AQR: variants seen among roughly 807,000 people sequenced by gnomAD.
The protein encoded by AQR is RNA helicase aquarius.
A neutral mutation model predicts 180.5 loss-of-function variants in AQR; 61 were observed. The ratio of observed to expected loss-of-function variants is 0.34; its 90% CI spans 0.28 to 0.42. The LOEUF is 0.42. Ranked by LOEUF, AQR falls within the 10% of genes least tolerant of loss-of-function variation. The pLI is 1.00. For missense variants in AQR, 1,281 were observed against 1,798.3 expected, an observed-to-expected ratio of 0.71 and a Z score of 5.20; for synonymous variants, 551 against 588.8, an observed-to-expected ratio of 0.94 and a Z score of 0.93.
intron 11 of AQR, among the ~76,000 whole-genome samples, chr15:34,931,645 A>G (rs1026947380): frequency 2.0e-5 from 3 of 152,138 alleles, no homozygotes; most frequent in Non-Finnish European, 4.4e-5. Flanking sequence ...TGTCTCTACT[A>G]AAAATACAAA....
chr15:34,949,607 A>C (rs1410296167), intron 4 of AQR, among the ~76,000 whole-genome samples: 3 of 4,626 alleles, frequency 6.5e-4, no homozygotes, highest in Admixed American at 7.5e-3. Context: ...CTCCGTCACA[A>C]AAAAAAAAAA....
chr15:34,876,769 T>A (rs907642054), intron 27 of AQR, among the ~76,000 whole-genome samples: 1 of 152,216 alleles, frequency 6.6e-6, no homozygotes, highest in African/African-American at 2.4e-5. Flanking sequence ...TTGTACTTTA[T>A]CTTTCTCCTT....
In AQR at chr15:34,897,692, C is replaced by T. The variant is rs370501493; in HGVS notation, c.2257G>A (p.Val753Ile). 1 of 1,613,894 alleles carries T rather than the reference C, an allele frequency of 6.2e-7. No homozygotes were observed. Residue 753 changes from valine to isoleucine, a missense_variant, in exon 21 of 35, where the codon GTA becomes ATA. This residue lies in a region of AQR where 112 missense variants were observed against 128.6 expected (regional missense o/e 0.87). Transcript: ENST00000156471. ...CTTTTCTTCCCTTTTCCACTTCTTA[C>T]TGGAAAAGTTATCCTACAAGACCAA... ...QIPPFRITFPVRSGKGKKRKD... is the reference protein window; with the variant it reads ...QIPPFRITFPIRSGKGKKRKD...
chr15:34,960,982 G>A (rs750094711), intron 2 of AQR, among the ~76,000 whole-genome samples, 168 bp from the exon 3 acceptor site: 5 of 151,838 alleles, frequency 3.3e-5, no homozygotes, highest in African/African-American at 4.8e-5. Flanking sequence ...TATATTCCTC[G>A]AAATATGAAA....
intron 32 of AQR, among the ~76,000 whole-genome samples, chr15:34,867,278 C>A (rs150727398): frequency 6.6e-6 from 1 of 151,978 alleles, no homozygotes; most frequent in Non-Finnish European, 1.5e-5. Context: ...TATGATAAAA[C>A]GCTATCTCTG....
intron 16 of AQR, among the ~76,000 whole-genome samples, chr15:34,914,135 G>A (rs1893542842): frequency 6.6e-6 from 1 of 152,102 alleles, no homozygotes; most frequent in African/African-American, 2.4e-5. Context: ...AATCGTGTAT[G>A]TATACATGGT....
At chr15:34,910,362 C>T (rs772609082) in intron 16 of AQR, 49 bp from the exon 17 acceptor site, 2 of 1,594,558 alleles carry the variant, frequency 1.3e-6, no homozygotes, top group Non-Finnish European at 1.7e-6. Flanking sequence ...TAATTTATCC[C>T]CAACTTTTAG....
rs534126227 is a variant in AQR, at chr15:34,900,975, C to A, written c.2002-112G>T. 218 of 1,404,152 alleles carry A rather than the reference C, an allele frequency of 1.6e-4. 1 individual carries two copies. In the African/African-American group the frequency reaches 2.8e-3, roughly 18 times the overall value. The allele number at this position is 1,404,152 out of a possible 1,614,324, so 87.0% of individuals were successfully genotyped here. A position where few individuals can be genotyped will look rare whatever the true frequency, so the allele number is the denominator to read the frequency against. On this transcript the variant is annotated intron_variant, in intron 19 of 34. Coordinates refer to ENST00000156471, the MANE Select transcript of AQR (RefSeq NM_014691.3). ...TCCAGAATTCCCGAGTGTTTCAGAG[C>A]AAGAAGCTATTTTCCGCTGGCTGAC...
chr15:34,940,557 T>A (rs1440461161), intron 8 of AQR, among the ~76,000 whole-genome samples: 1 of 150,428 alleles, frequency 6.6e-6, no homozygotes, highest in Non-Finnish European at 1.5e-5. Context: ...AGTGAAGGAG[T>A]AAGAAAAAGA....
intron 5 of AQR, among the ~76,000 whole-genome samples, chr15:34,947,514 AATAAT>A: frequency 8.1e-6 from 1 of 123,628 alleles, no homozygotes; most frequent in Non-Finnish European, 1.8e-5. Flanking sequence ...CAATAAAAAA[AATAAT>A]AATAATAATA....
intron 31 of AQR, 25 bp from the exon 32 acceptor site, chr15:34,867,634 G>A (rs1318446695): frequency 6.4e-7 from 1 of 1,571,386 alleles, no homozygotes; most frequent in Non-Finnish European, 8.7e-7. Context: ...TGGAAAATAT[G>A]GTGCATTTGC....
chr15:34,856,722 A>G lies in AQR; in HGVS notation c.*70T>C. Reference sequence around the variant, plus strand: ...ACAGTAAAATGGCAGAAGCAAATATAAAATACAAAAAACAGCTTTACTCAG... The same window carrying G: ...ACAGTAAAATGGCAGAAGCAAATATGAAATACAAAAAACAGCTTTACTCAG... On this transcript the variant is annotated 3_prime_UTR_variant, in exon 35 of 35. Coordinates refer to ENST00000156471, the MANE Select transcript of AQR (RefSeq NM_014691.3). The G allele has an allele frequency of 7.6e-7, 1 of 1,317,938 alleles. No homozygotes were observed. The highest frequency in any genetic ancestry group is 1.0e-6 in the Non-Finnish European group (1 of 988,594). The allele number at this position is 1,317,938 out of a possible 1,614,324, so 81.6% of individuals were successfully genotyped here.
At chr15:34,943,093 C>T (rs752239122) in intron 6 of AQR, 22 of 1,611,588 alleles carry the variant, frequency 1.4e-5, no homozygotes, top group South Asian at 1.2e-4. Flanking sequence ...GTTAACGTCC[C>T]TAAAACCCGC....
intron 22 of AQR, among the ~76,000 whole-genome samples, chr15:34,895,516 C>T (rs773725018): frequency 1.1e-4 from 16 of 151,700 alleles, no homozygotes; most frequent in Non-Finnish European, 2.1e-4. Flanking sequence ...AAAGAAATAT[C>T]GTGCAAACAC....
chr15:34,890,119 G>C, intron 24 of AQR, 96 bp downstream of exon 24: 9 of 1,054,540 alleles, frequency 8.5e-6, no homozygotes, highest in Non-Finnish European at 1.2e-5. Context: ...TCAGAATTAA[G>C]TTTCAGTATT....
At chr15:34,945,615 C>T (rs752159518) in intron 5 of AQR, among the ~76,000 whole-genome samples, 17 of 152,120 alleles carry the variant, frequency 1.1e-4, no homozygotes, top group Admixed American at 5.9e-4. Flanking sequence ...TGAAGAAACC[C>T]CTAGGCTCTC....
rs555082398 is a variant in AQR at position 34,942,235 on chromosome 15, T to TA, written c.472-156dup. ...TTTGATATTAAGAAGTTCAATGCTT[T>TA]AAAAAAGACTCCATCCTTATTATCT... is the stretch of plus-strand genomic sequence containing the variant. On this transcript the variant is annotated intron_variant, in intron 6 of 34. Coordinates refer to ENST00000156471, the MANE Select transcript of AQR (RefSeq NM_014691.3). Among the ~76,000 whole-genome samples, 17 of 152,216 alleles carry TA rather than the reference T, an allele frequency of 1.1e-4. No individual in the cohort carries two copies. The East Asian group carries it at 2.9e-3, about 26-fold the overall frequency.
Position 34,856,579 on chromosome 15 carries a change from T to C in AQR, c.*213A>G. 1 of 451,668 alleles carries C rather than the reference T, an allele frequency of 2.2e-6. No individual in the cohort carries two copies. Among genetic ancestry groups the C allele is most frequent in the Non-Finnish European group, 3.9e-6 (1 of 258,460 alleles). The allele number at this position is 451,668 out of a possible 1,614,324, so 28.0% of individuals were successfully genotyped here. A position where few individuals can be genotyped will look rare whatever the true frequency, so the allele number is the denominator to read the frequency against. On this transcript the variant is annotated 3_prime_UTR_variant, in exon 35 of 35. Transcript: ENST00000156471. ...AGTGATCAAAACATGAAAGGAATGG[T>C]TATTTGCTCTTCTGATTGAACAAAT...
intron 26 of AQR, 114 bp from the exon 27 acceptor site, chr15:34,882,753 T>C (rs1385947421): frequency 1.3e-5 from 12 of 902,342 alleles, no homozygotes. Context: ...TATTATAAAC[T>C]AAGCCTAATG....
Sources: allele counts gnomAD v4.1 joint callset (sites outside exome capture counted in the v4.1 genomes callset), GRCh38; gene constraint gnomAD v4.1.1; regional missense constraint gnomAD v4.1.1; transcripts MANE v1.5; gene names NCBI Gene and HGNC (gene_info 2026-07-23, HGNC 2026-07-21).